UCHL5: variants seen among roughly 807,000 people sequenced by gnomAD.
UCHL5 encodes the protein ubiquitin carboxyl-terminal hydrolase isozyme L5.
UCHL5 carries 34 observed loss-of-function variants against 53.8 expected under a neutral mutation model. The ratio of observed to expected loss-of-function variants is 0.63; its 90% CI spans 0.48 to 0.84. The LOEUF is 0.84. Among genes scored for constraint, UCHL5 ranks in the 40% least tolerant of loss-of-function variants. The pLI is 0.00. For missense variants in UCHL5, 290 were observed against 385.6 expected (o/e 0.75, Z 2.08); for synonymous variants, 111 against 126.3 (o/e 0.88, Z 0.81).
chr1:193,041,533 G>A (rs1199848801), intron 3 of UCHL5, among the ~76,000 whole-genome samples: 2 of 152,160 alleles, frequency 1.3e-5, no homozygotes, highest in African/African-American at 4.8e-5. Context: ...TAGTGGAAAT[G>A]CAAATTTGAA....
intron 3 of UCHL5, among the ~76,000 whole-genome samples, chr1:193,035,719 C>G (rs1342948871): frequency 6.6e-6 from 1 of 152,064 alleles, no homozygotes; most frequent in Non-Finnish European, 1.5e-5. Flanking sequence ...CTATGGTATG[C>G]AGTCTGCTCA....
Position 193,059,273 on chromosome 1 carries a change from A to C in UCHL5, c.-13T>G. On this transcript the variant is annotated 5_prime_UTR_variant, in exon 1 of 11. Coordinates refer to ENST00000367454, the MANE Select transcript of UCHL5 (RefSeq NM_001199261.3). This position sits in a 1 kb window ranked among gnomAD's most constrained non-coding sequence, Gnocchi z 4.9. ...CATTGCCCGTCATGGCCCTGGCCACACACCGCCCCGATCCACCTCTCGCTC... is the reference window on the plus strand; with the variant it reads ...CATTGCCCGTCATGGCCCTGGCCACCCACCGCCCCGATCCACCTCTCGCTC... 1 of 1,613,752 alleles carries C rather than the reference A, an allele frequency of 6.2e-7. No individual in the cohort carries two copies. The highest frequency in any genetic ancestry group is 8.5e-7 in the Non-Finnish European group (1 of 1,179,916).
At chr1:193,023,492 T>C (rs111682386) in intron 8 of UCHL5, among the ~76,000 whole-genome samples, 23 of 152,278 alleles carry the variant, frequency 1.5e-4, no homozygotes, top group African/African-American at 5.5e-4. Context: ...TATAATGAAG[T>C]CACAGAAAAT....
chr1:193,055,619 C>T (rs1670392136), intron 1 of UCHL5, among the ~76,000 whole-genome samples: 1 of 152,206 alleles, frequency 6.6e-6, no homozygotes, highest in Non-Finnish European at 1.5e-5. Context: ...TAGATTTTGT[C>T]AAATGCCTTT....
intron 3 of UCHL5, among the ~76,000 whole-genome samples, chr1:193,046,571 A>G (rs1667385149): frequency 6.6e-6 from 1 of 151,470 alleles, no homozygotes; most frequent in Non-Finnish European, 1.5e-5. Context: ...CATCTGTAAA[A>G]TGATGAGAAG....
At chr1:193,049,505 T>G (rs1571886705) in intron 3 of UCHL5, 1 of 321,548 alleles carries the variant, frequency 3.1e-6, no homozygotes. Context: ...ATGCCTGGCG[T>G]AAATATTATT....
chr1:193,018,580 C>G (rs548559092), intron 10 of UCHL5: 1 of 1,221,956 alleles, frequency 8.2e-7, no homozygotes, highest in South Asian at 3.5e-5. Flanking sequence ...TTTATAGGTT[C>G]TAACCAAGTT....
intron 3 of UCHL5, among the ~76,000 whole-genome samples, chr1:193,042,935 T>A (rs1380551058): frequency 4.6e-5 from 7 of 151,960 alleles, no homozygotes; most frequent in Admixed American, 4.6e-4. Flanking sequence ...CTCAAATGAC[T>A]GAGTTTTGGC....
intron 1 of UCHL5, among the ~76,000 whole-genome samples, chr1:193,058,852 G>A (rs1315623191): frequency 6.6e-6 from 1 of 152,242 alleles, no homozygotes; most frequent in Non-Finnish European, 1.5e-5. Flanking sequence ...CCGCAGAGAA[G>A]GGGCAGTGCA....
rs557859359 is a variant in UCHL5 at position 193,028,636 on chromosome 1, A to G, written c.566-488T>C. On this transcript the variant is annotated intron_variant, in intron 6 of 10. Coordinates refer to ENST00000367454, the MANE Select transcript of UCHL5 (RefSeq NM_001199261.3). ...TTCAGAGCCACAGATTGTACCTTCA[A>G]CTTTGATAAGTGTTTATCATTTTTT... is the stretch of plus-strand genomic sequence containing the variant. 3.3e-5 allele frequency among the ~76,000 whole-genome samples: 5 copies of G among 152,268 alleles called. No homozygotes were observed. In the East Asian group the frequency reaches 9.6e-4, roughly 29 times the overall value.
chr1:193,023,766 T>G (rs1658046584), intron 8 of UCHL5, 78 bp downstream of exon 8: 3 of 1,085,164 alleles, frequency 2.8e-6, no homozygotes, highest in African/African-American at 1.6e-5. Context: ...CACTTGATTA[T>G]ATATATATTT....
chr1:193,033,701 A>C (rs550997856), intron 3 of UCHL5, among the ~76,000 whole-genome samples: 1 of 152,238 alleles, frequency 6.6e-6, no homozygotes, highest in Middle Eastern at 3.4e-3. Flanking sequence ...GCTCATGAAG[A>C]CTCTATAAAG....
rs139984685 is a variant in UCHL5, at chr1:193,023,031, G to C, written c.738C>G (p.Pro246=). The change falls in exon 9 of 11, where the codon CCC becomes CCG. Residue 246 remains proline (P), a synonymous_variant. Transcript: ENST00000367454. ...AELQRQLAEE[P]MDTDQGNSML... ...TACTATTACCTTGATCTGTATCCAT[G>C]GGTTCCTCCTTGGGGGAAGGAAAAG... 2.0e-4 allele frequency: 324 copies of C among 1,610,602 alleles called. No homozygotes were observed. The African/African-American group carries it at 2.1e-3, about 11-fold the overall frequency.
intron 2 of UCHL5, 30 bp from the exon 3 acceptor site, chr1:193,049,881 CA>C (rs1488443427): frequency 1.3e-6 from 2 of 1,553,118 alleles, no homozygotes; most frequent in Non-Finnish European, 1.8e-6. Context: ...TTAATGACAT[CA>C]AACCCTGCTT....
chr1:193,046,705 T>C (rs1469263337), intron 3 of UCHL5, among the ~76,000 whole-genome samples: 2 of 147,762 alleles, frequency 1.4e-5, no homozygotes, highest in Non-Finnish European at 3.0e-5. Context: ...TATAAATTTA[T>C]AATTTTTGTA....
chr1:193,038,690 G>A (rs1294261755), intron 3 of UCHL5, among the ~76,000 whole-genome samples: 1 of 151,946 alleles, frequency 6.6e-6, no homozygotes, highest in Non-Finnish European at 1.5e-5. Flanking sequence ...ACTGATAAAC[G>A]AGTTCAGTAA....
intron 9 of UCHL5, among the ~76,000 whole-genome samples, chr1:193,022,135 G>A (rs557099653): frequency 7.9e-5 from 12 of 151,114 alleles, no homozygotes; most frequent in Admixed American, 4.6e-4. Flanking sequence ...CCTTTTTCCC[G>A]CCTGGAATAC....
rs1014563950 is a variant in UCHL5 at position 193,042,451 on chromosome 1, T to C, written c.246+7295A>G. Among the ~76,000 whole-genome samples the C allele has an allele frequency of 5.3e-5, 8 of 152,320 alleles. No individual in the cohort carries two copies. The East Asian group carries it at 1.5e-3, about 29-fold the overall frequency. ...TTAACCAAGGATTCTTATAATCCCA[T>C]TCTGGGTACCTTAAGAGCAACTTTT... is the stretch of plus-strand genomic sequence containing the variant. On this transcript the variant is annotated intron_variant, in intron 3 of 10. Transcript: ENST00000367454.
intron 5 of UCHL5, 30 bp from the exon 6 acceptor site, chr1:193,029,339 A>T: frequency 6.2e-7 from 1 of 1,613,104 alleles, no homozygotes. Context: ...AGTGAAACTC[A>T]AAGAAGCAAA....
Sources: gnomAD v4.1 joint callset for allele counts (sites outside exome capture counted in the v4.1 genomes callset) on GRCh38, gnomAD v4.1.1 for gene constraint, Gnocchi (gnomAD v3.1) non-coding constraint, MANE v1.5 for transcripts, NCBI Gene and HGNC (gene_info 2026-07-23, HGNC 2026-07-21) for gene names.